HTR2C: variants seen among roughly 807,000 people sequenced by gnomAD.
HTR2C encodes 5-hydroxytryptamine (serotonin) receptor 2C, G protein-coupled.
A neutral mutation model predicts 21.0 loss-of-function variants in HTR2C; 5 were observed. The ratio of observed to expected loss-of-function variants is 0.24; its 90% confidence interval spans 0.12 to 0.50. The LOEUF (loss-of-function observed/expected upper bound fraction) is 0.50. Among genes scored for constraint, HTR2C ranks in the 20% least tolerant of loss-of-function variants. The pLI is 0.98. For missense variants in HTR2C, 271 were observed against 371.2 expected (o/e 0.73, Z 2.22); for synonymous variants, 150 against 145.3 (o/e 1.03, Z -0.23).
At chrX:114,788,212 G>T (rs2070197097) in intron 4 of HTR2C, among the ~76,000 whole-genome samples, 1 of 110,572 alleles carries the variant, frequency 9.0e-6, no homozygotes, top group Non-Finnish European at 1.9e-5. Context: ...ATACAGTTTG[G>T]GTTCTAATAA....
intron 1 of HTR2C, among the ~76,000 whole-genome samples, chrX:114,611,698 T>TA (rs1189094252): frequency 1.8e-5 from 2 of 111,513 alleles, no homozygotes; most frequent in African/African-American, 6.5e-5. Flanking sequence ...TGGTTTTTTT[T>TA]AGTTTTTTTC....
chrX:114,906,499 C>T (rs1302001405), intron 5 of HTR2C, 90 bp from the exon 6 acceptor site: 4 of 644,955 alleles, frequency 6.2e-6, no homozygotes, highest in Non-Finnish European at 9.5e-6. Flanking sequence ...GAATTTCCTT[C>T]CGTAAAATGC....
At position 114,862,900 on chromosome X, in the gene HTR2C, C is replaced by G. The variant is rs5988150; in HGVS notation, c.550+14697C>G. The stretch of plus-strand genomic sequence containing the variant: ...TCTTTGAACTTCTTAACCAACTTCT[C>G]GTCATCTCCCTCAACTCCCCTACCC... On this transcript the variant is annotated intron_variant, in intron 5 of 5. Coordinates refer to ENST00000276198, the MANE Select transcript of HTR2C (RefSeq NM_000868.4). Among the ~76,000 whole-genome samples, 9 of 110,824 alleles carry G rather than the reference C, an allele frequency of 8.1e-5. No individual in the cohort carries two copies. In the East Asian group the frequency reaches 2.6e-3, roughly 32 times the overall value.
intron 5 of HTR2C, among the ~76,000 whole-genome samples, chrX:114,864,760 A>G (rs1556474036): frequency 1.8e-5 from 2 of 111,664 alleles, no homozygotes; most frequent in Non-Finnish European, 1.9e-5. Flanking sequence ...TTTCATGGTA[A>G]TAAATTCCCT....
chrX:114,642,345 G>A (rs781929777), intron 2 of HTR2C, among the ~76,000 whole-genome samples: 51 of 111,831 alleles, frequency 4.6e-4, no homozygotes, highest in African/African-American at 1.5e-3. Context: ...ATAAAATAAA[G>A]TACATTAATT....
chrX:114,833,772 A>G (rs1252608886), intron 4 of HTR2C, among the ~76,000 whole-genome samples: 1 of 110,374 alleles, frequency 9.1e-6, no homozygotes, highest in East Asian at 2.9e-4. Flanking sequence ...TTGCTTTTCT[A>G]GTTCTTTCAA....
intron 5 of HTR2C, among the ~76,000 whole-genome samples, chrX:114,859,119 C>A (rs2070986619): frequency 9.1e-6 from 1 of 109,918 alleles, no homozygotes; most frequent in Non-Finnish European, 1.9e-5. Context: ...TGTCATTTTA[C>A]TTTCTTTAGT....
At chrX:114,837,582 A>G (rs1402740407) in intron 4 of HTR2C, among the ~76,000 whole-genome samples, 3 of 110,806 alleles carry the variant, frequency 2.7e-5, no homozygotes, top group Non-Finnish European at 5.7e-5. Context: ...TTGTTCTTGG[A>G]CTAGTTAAAC....
chrX:114,755,696 A>G (rs1446741743), intron 4 of HTR2C, among the ~76,000 whole-genome samples: 7 of 106,465 alleles, frequency 6.6e-5, no homozygotes, highest in Non-Finnish European at 1.9e-5. Flanking sequence ...TACAACTGGT[A>G]TATAGAACAT....
intron 1 of HTR2C, among the ~76,000 whole-genome samples, chrX:114,606,058 T>C (rs912095461): frequency 2.8e-5 from 3 of 106,853 alleles, no homozygotes; most frequent in Non-Finnish European, 3.9e-5. Context: ...GGCACAGAGA[T>C]AAGAGGTTGG....
chrX:114,704,576 C>G (rs1441993334), intron 2 of HTR2C, among the ~76,000 whole-genome samples: 3 of 111,608 alleles, frequency 2.7e-5, no homozygotes, highest in African/African-American at 9.8e-5. Flanking sequence ...TAAGAGCTAT[C>G]TATGACAAAC....
intron 1 of HTR2C, among the ~76,000 whole-genome samples, chrX:114,590,457 C>T (rs1024972950): frequency 1.8e-5 from 2 of 111,667 alleles, no homozygotes; most frequent in East Asian, 5.6e-4. Context: ...CAAGCCCCAC[C>T]TCTTGCAGGA....
At chrX:114,757,430 A>C (rs2069824170) in intron 4 of HTR2C, among the ~76,000 whole-genome samples, 1 of 111,825 alleles carries the variant, frequency 8.9e-6, no homozygotes, top group Admixed American at 9.5e-5. Context: ...AATGAAACAA[A>C]CAAACAAAAA....
intron 5 of HTR2C, among the ~76,000 whole-genome samples, chrX:114,867,260 C>T (rs1380045971): frequency 4.5e-5 from 5 of 111,442 alleles, no homozygotes; most frequent in Admixed American, 9.6e-5. Flanking sequence ...TGAGCAATTA[C>T]GTTGAGCACT....
At chrX:114,895,830 A>T (rs1044500180) in intron 5 of HTR2C, among the ~76,000 whole-genome samples, 1 of 110,538 alleles carries the variant, frequency 9.0e-6, no homozygotes, top group Non-Finnish European at 1.9e-5. Context: ...TCTACTAAAA[A>T]TACAAAAATT....
intron 2 of HTR2C, among the ~76,000 whole-genome samples, chrX:114,653,974 C>A (rs961685127): frequency 9.1e-6 from 1 of 110,408 alleles, no homozygotes; most frequent in Admixed American, 9.8e-5. Context: ...CTGTCTCATA[C>A]TCCTTCAGCA....
At chrX:114,722,550 T>C (rs1933263759) in intron 2 of HTR2C, among the ~76,000 whole-genome samples, 2 of 110,510 alleles carry the variant, frequency 1.8e-5, no homozygotes, top group Admixed American at 2.0e-4. Flanking sequence ...TCCAACACTA[T>C]GTTGAATAGG....
chrX:114,639,546 C>T (rs782334116), intron 2 of HTR2C: 2 of 112,630 alleles, frequency 1.8e-5, no homozygotes, highest in South Asian at 3.8e-4. Flanking sequence ...AAGATGGACC[C>T]GCTGGTTGTA....
intron 2 of HTR2C, among the ~76,000 whole-genome samples, chrX:114,654,656 A>G (rs1045286960): frequency 9.0e-6 from 1 of 110,617 alleles, no homozygotes; most frequent in African/African-American, 3.3e-5. Flanking sequence ...ACAGCAATGA[A>G]TAAGACACAA....
Sources: allele counts gnomAD v4.1 joint callset (sites outside exome capture counted in the v4.1 genomes callset), GRCh38; gene constraint gnomAD v4.1.1; transcripts MANE v1.5; gene names NCBI Gene and HGNC (gene_info 2026-07-23, HGNC 2026-07-21).